NTMT2: variants seen among roughly 807,000 people sequenced by gnomAD.
The protein encoded by NTMT2 is X-Pro-Lys N-terminal protein methyltransferase 1B.
In NTMT2, 21 loss-of-function variants were observed where a neutral mutation model predicts 23.4. That is an observed-to-expected ratio of 0.90 (90% confidence interval 0.64 to 1.29). NTMT2 has a LOEUF of 1.29. Among genes scored for constraint, NTMT2 ranks in the 50% most tolerant of loss-of-function variants. The pLI is 0.00. For missense variants in NTMT2, 336 were observed against 352.0 expected (o/e 0.95, Z 0.36); for synonymous variants, 131 against 127.7 (o/e 1.03, Z -0.17).
At chr1:170,160,900 G>C (rs1270146629) in intron 2 of NTMT2, among the ~76,000 whole-genome samples, 2 of 152,088 alleles carry the variant, frequency 1.3e-5, no homozygotes, top group African/African-American at 4.8e-5. Context: ...CCTCCCACTT[G>C]GCATTTCACT....
At chr1:170,147,071 G>A (rs1270345497) in intron 1 of NTMT2, among the ~76,000 whole-genome samples, 2 of 152,186 alleles carry the variant, frequency 1.3e-5, no homozygotes, top group African/African-American at 4.8e-5. Flanking sequence ...GTTTTCTTAA[G>A]GTCGTTTGAA....
intron 1 of NTMT2, among the ~76,000 whole-genome samples, chr1:170,157,415 T>C (rs2102235949): frequency 6.6e-6 from 1 of 152,310 alleles, no homozygotes; most frequent in South Asian, 2.1e-4. Flanking sequence ...GAAAATGATG[T>C]GCTACATAGA....
Position 170,159,645 on chromosome 1 carries a change from T to A in NTMT2, c.155-873T>A, listed in dbSNP as rs115837418. ...CTATTATGGGTTTAGTGTTTTAAGA[T>A]AATTCTCAGGGAATATTGGGAGGGA... is the stretch of plus-strand genomic sequence containing the variant. On this transcript the variant is annotated intron_variant, in intron 1 of 3. Transcript: ENST00000439373. Among the ~76,000 whole-genome samples the A allele has an allele frequency of 6.8e-3, 1,041 of 152,264 alleles. 9 individuals carry two copies. The highest frequency in any genetic ancestry group is 0.024 in the African/African-American group (994 of 41,546).
chr1:170,162,973 G>A (rs568830896), intron 2 of NTMT2, among the ~76,000 whole-genome samples: 3 of 152,048 alleles, frequency 2.0e-5, no homozygotes, highest in East Asian at 1.9e-4. Context: ...TGGTGAGGCC[G>A]ACTTTGATCC....
intron 1 of NTMT2, among the ~76,000 whole-genome samples, chr1:170,155,196 GTTTC>G (rs1388857830): frequency 1.3e-5 from 2 of 152,082 alleles, no homozygotes; most frequent in African/African-American, 2.4e-5. Context: ...AGTCTCAGGT[GTTTC>G]TTTATAGTAA....
intron 1 of NTMT2, among the ~76,000 whole-genome samples, chr1:170,155,526 CT>C (rs974066944): frequency 3.3e-5 from 5 of 150,744 alleles, no homozygotes; most frequent in African/African-American, 1.2e-4. Flanking sequence ...CCTAATTGGG[CT>C]TTTTTTTTCT....
chr1:170,162,965 G>A (rs1255622669), intron 2 of NTMT2, among the ~76,000 whole-genome samples: 1 of 151,930 alleles, frequency 6.6e-6, no homozygotes, highest in African/African-American at 2.4e-5. Flanking sequence ...TTGCCTCGTG[G>A]TGAGGCCGAC....
At chr1:170,149,480 A>T (rs887536186) in intron 1 of NTMT2, among the ~76,000 whole-genome samples, 40 of 152,338 alleles carry the variant, frequency 2.6e-4, no homozygotes, top group African/African-American at 8.9e-4. Flanking sequence ...TTGGACTCTC[A>T]TTCCCATGAG....
intron 1 of NTMT2, among the ~76,000 whole-genome samples, chr1:170,147,348 T>C (rs1571814597): frequency 6.6e-6 from 1 of 152,216 alleles, no homozygotes; most frequent in South Asian, 2.1e-4. Context: ...CATTTTTTTT[T>C]CTACCTATCT....
chr1:170,159,594 T>A (rs1312935458), intron 1 of NTMT2, among the ~76,000 whole-genome samples: 1 of 152,164 alleles, frequency 6.6e-6, no homozygotes, highest in African/African-American at 2.4e-5. Context: ...CATGAATCTG[T>A]CAGTGATACC....
At chr1:170,147,368 C>T (rs1325569556) in intron 1 of NTMT2, among the ~76,000 whole-genome samples, 1 of 152,036 alleles carries the variant, frequency 6.6e-6, no homozygotes, top group Non-Finnish European at 1.5e-5. Context: ...TTCCCTCCTT[C>T]TTCCTTTCAT....
intron 1 of NTMT2, among the ~76,000 whole-genome samples, chr1:170,152,617 G>C (rs141574673): frequency 6.6e-6 from 1 of 152,174 alleles, no homozygotes; most frequent in East Asian, 1.9e-4. Flanking sequence ...AACCTAGAGG[G>C]TTCCTCTGGG....
Position 170,166,551 on chromosome 1 carries a change from T to C in NTMT2, c.380T>C (p.Ile127Thr), listed in dbSNP as rs1673392441. The change falls in exon 3 of 4, where the codon ATA (isoleucine) becomes ACA (threonine). Residue 127 changes from isoleucine (I) to threonine (T), a missense_variant. Ile to Thr is a moderately conservative substitution (Grantham distance 89). Transcript: ENST00000439373. Reference sequence around the variant, plus strand: ...TGCGCCTTGGACTGCGGCTCCGGGATAGGAAGGGTCAGCAAACACGTCTTA... The same window carrying C: ...TGCGCCTTGGACTGCGGCTCCGGGACAGGAAGGGTCAGCAAACACGTCTTA... Reference protein sequence around the residue: ...TDCALDCGSGIGRVSKHVLLP... With the variant: ...TDCALDCGSGTGRVSKHVLLP... 1.3e-6 allele frequency: 2 copies of C among 1,552,272 alleles called. No homozygotes were observed. Among genetic ancestry groups the C allele is most frequent in the Non-Finnish European group, 1.7e-6 (2 of 1,147,122 alleles).
At position 170,160,522 on chromosome 1, in the gene NTMT2, A is replaced by C; in HGVS notation, c.159A>C (p.Lys53Asn). The change falls in exon 2 of 4, where the codon AAA (lysine) becomes AAC (asparagine). Residue 53 changes from lysine (K) to asparagine (N), a missense_variant. Lys to Asn is a moderately conservative substitution (Grantham distance 94, BLOSUM62 0). Transcript: ENST00000439373. The stretch of plus-strand genomic sequence containing the variant: ...TTAATAATGTTTCATTTGCAGTGAA[A>C]TTGTACGCTTTAACAAGCCAAGTCA... Reference protein sequence around the residue: ...LYLLEKIPLVKLYALTSQVIN... With the variant: ...LYLLEKIPLVNLYALTSQVIN... 6.5e-7 allele frequency: 1 copy of C among 1,529,446 alleles called. No individual in the cohort carries two copies. 94.7% of individuals were successfully genotyped at this position (1,529,446 alleles called of 1,614,324 possible). A position where few individuals can be genotyped will look rare whatever the true frequency, so the allele number is the denominator to read the frequency against.
At chr1:170,153,784 C>A (rs528401148) in intron 1 of NTMT2, among the ~76,000 whole-genome samples, 49 of 152,266 alleles carry the variant, frequency 3.2e-4, no homozygotes, top group African/African-American at 1.2e-3. Context: ...TGCAGCCTAG[C>A]CATGTGGCAA....
intron 2 of NTMT2, among the ~76,000 whole-genome samples, chr1:170,161,412 G>T (rs1673270759): frequency 6.6e-6 from 1 of 152,102 alleles, no homozygotes; most frequent in African/African-American, 2.4e-5. Context: ...TGAAAGAATG[G>T]TATCCTTTTG....
At chr1:170,159,266 G>A (rs1460615310) in intron 1 of NTMT2, among the ~76,000 whole-genome samples, 3 of 152,066 alleles carry the variant, frequency 2.0e-5, no homozygotes, top group Admixed American at 6.6e-5. Context: ...AACTGGTCTA[G>A]CTCTTCCTAG....
rs1292559983 is a variant in NTMT2 at position 170,161,962 on chromosome 1, C to T, written c.330+1269C>T. On this transcript the variant is annotated intron_variant, in intron 2 of 3. Transcript: ENST00000439373. ...AAAATTAGCCGGGCGTGGTGTTGCG[C>T]GCCTGTAGTCCCAGCTACTGGGGAG... Among the ~76,000 whole-genome samples the T allele has an allele frequency of 5.3e-5, 8 of 152,136 alleles. No homozygotes were observed. In the South Asian group the frequency reaches 6.2e-4, roughly 12 times the overall value.
chr1:170,148,034 G>A (rs144781302), intron 1 of NTMT2, among the ~76,000 whole-genome samples: 25 of 151,384 alleles, frequency 1.7e-4, no homozygotes, highest in African/African-American at 4.4e-4. Flanking sequence ...TTCCACTGAC[G>A]CCCAATGTAA....
Sources: allele counts gnomAD v4.1 joint callset (sites outside exome capture counted in the v4.1 genomes callset), GRCh38; gene constraint gnomAD v4.1.1; transcripts MANE v1.5; gene names NCBI Gene and HGNC (gene_info 2026-07-23, HGNC 2026-07-21).